Variants in PHF21A observed in about 807,000 individuals in gnomAD.
PHF21A encodes PHD finger protein 21A.
In PHF21A, 11 loss-of-function variants were observed where a neutral mutation model predicts 82.5. The observed-to-expected ratio is 0.13, with a 90% CI of 0.08 to 0.22. The LOEUF is 0.22. Among genes scored for constraint, PHF21A ranks in the 10% least tolerant of loss-of-function variants. The pLI is 1.00. For synonymous variants in PHF21A, 297 were observed against 302.8 expected, an observed-to-expected ratio of 0.98 and a Z score of 0.20; for missense variants, 579 against 837.8, an observed-to-expected ratio of 0.69 and a Z score of 3.81.
At position 46,009,409 on chromosome 11, in the gene PHF21A, G is replaced by A. The variant is rs115574237; in HGVS notation, c.154-29443C>T. Among the ~76,000 whole-genome samples the A allele has an allele frequency of 2.6e-3, 402 of 152,068 alleles. 5 individuals carry two copies. Among genetic ancestry groups the A allele is most frequent in the African/African-American group, 9.4e-3 (390 of 41,456 alleles). On this transcript the variant is annotated intron_variant, in intron 6 of 18. Coordinates refer to ENST00000676320, the MANE Select transcript of PHF21A (RefSeq NM_001352027.3). Reference sequence around the variant, plus strand: ...CCATTTCCTTTATAAAACTTTTCTTGACTCTACCTGCCTAGAATGATCTGT... The same window carrying A: ...CCATTTCCTTTATAAAACTTTTCTTAACTCTACCTGCCTAGAATGATCTGT...
At chr11:45,996,167 C>A (rs976767111) in intron 6 of PHF21A, among the ~76,000 whole-genome samples, 43 of 152,056 alleles carry the variant, frequency 2.8e-4, no homozygotes, top group African/African-American at 9.2e-4. Context: ...TGGTCAGAAA[C>A]CCCCGGCTTC....
rs1395542076 is a variant in PHF21A at position 45,949,719 on chromosome 11, G to A, written c.1148-238C>T. ...GTTCTCTGTTGAGAGTTTAACAATA[G>A]ACAACACTTGTAAACAAGTTGTCCT... On this transcript the variant is annotated intron_variant, in intron 12 of 18. Transcript: ENST00000676320. 2.6e-5 allele frequency among the ~76,000 whole-genome samples: 4 copies of A among 152,258 alleles called. No homozygotes were observed. The South Asian group carries it at 8.3e-4, about 32-fold the overall frequency.
chr11:45,989,998 T>A (rs1169707909), intron 6 of PHF21A, among the ~76,000 whole-genome samples: 2 of 151,796 alleles, frequency 1.3e-5, no homozygotes, highest in Non-Finnish European at 1.5e-5. Flanking sequence ...ACTCAAAAAA[T>A]AAATAAATAA....
chr11:45,976,164 T>G (rs1363609830), intron 7 of PHF21A, among the ~76,000 whole-genome samples: 2 of 152,142 alleles, frequency 1.3e-5, no homozygotes, highest in African/African-American at 2.4e-5. Flanking sequence ...CATTTACTAT[T>G]TTGACGCCAT....
At chr11:45,982,368 C>T (rs2094335241) in intron 6 of PHF21A, among the ~76,000 whole-genome samples, 1 of 152,112 alleles carries the variant, frequency 6.6e-6, no homozygotes, top group Non-Finnish European at 1.5e-5. Flanking sequence ...ATTCTGCTAG[C>T]ACTGCCTCTC....
At chr11:45,969,302 G>A (rs2093630890) in intron 9 of PHF21A, among the ~76,000 whole-genome samples, 1 of 152,216 alleles carries the variant, frequency 6.6e-6, no homozygotes, top group African/African-American at 2.4e-5. Flanking sequence ...ATGCAGAGCT[G>A]CTCGGGCCTA....
chr11:46,081,720 T>C (rs1342713003), intron 4 of PHF21A, among the ~76,000 whole-genome samples: 2 of 152,236 alleles, frequency 1.3e-5, no homozygotes, highest in Non-Finnish European at 1.5e-5. Context: ...CTTGAGGATA[T>C]ACTTCATGCC....
chr11:46,081,210 C>T (rs530199572), intron 4 of PHF21A, among the ~76,000 whole-genome samples: 2 of 152,234 alleles, frequency 1.3e-5, no homozygotes, highest in South Asian at 4.1e-4. Context: ...ACCATGGGAC[C>T]TCCAAATACA....
At position 45,935,131 on chromosome 11, in the gene PHF21A, T is replaced by C. The variant is rs1393831241; in HGVS notation, c.1788+505A>G. On this transcript the variant is annotated intron_variant, in intron 18 of 18. Transcript: ENST00000676320. ...CTGGGCAGTACTTACTTCCAATACT[T>C]GTCTCTAGAAAGCCCGCTTCCTCAC... 3.9e-6 allele frequency: 5 copies of C among 1,289,302 alleles called. No individual in the cohort carries two copies. In the Admixed American group the frequency reaches 9.2e-5, roughly 24 times the overall value. The allele number at this position is 1,289,302 out of a possible 1,614,324, so 79.9% of individuals were successfully genotyped here.
At chr11:45,972,057 T>C (rs1475464936) in intron 7 of PHF21A, among the ~76,000 whole-genome samples, 1 of 151,688 alleles carries the variant, frequency 6.6e-6, no homozygotes, top group African/African-American at 2.4e-5. Context: ...TTCTTGATAC[T>C]AAAGGGATAT....
At chr11:45,941,611 T>TA (rs1300073712) in intron 15 of PHF21A, among the ~76,000 whole-genome samples, 1 of 152,198 alleles carries the variant, frequency 6.6e-6, no homozygotes, top group Non-Finnish European at 1.5e-5. Context: ...GAAATGAATA[T>TA]AAAATGCCAA....
rs190604752 is a variant in PHF21A at position 46,059,178 on chromosome 11, C to T, written c.153+17576G>A. On this transcript the variant is annotated intron_variant, in intron 6 of 18. Coordinates refer to ENST00000676320, the MANE Select transcript of PHF21A (RefSeq NM_001352027.3). ...AATCAAAATTACGTACAAATATTTA[C>T]GTCCAAGGATGTACACTGCAGAGCT... Among the ~76,000 whole-genome samples, 9 of 152,150 alleles carry T rather than the reference C, an allele frequency of 5.9e-5. No homozygotes were observed. In the East Asian group the frequency reaches 9.7e-4, roughly 16 times the overall value.
At chr11:46,095,978 C>A (rs1281005238) in intron 1 of PHF21A, among the ~76,000 whole-genome samples, 1 of 152,124 alleles carries the variant, frequency 6.6e-6, no homozygotes, top group African/African-American at 2.4e-5. Context: ...CTGATAGAGG[C>A]CCCCAAACTG....
rs1311948020 is a variant in PHF21A, at chr11:46,014,995, TAAAAATAAAAAAATAAAA to T, written c.154-35047_154-35030del. On this transcript the variant is annotated intron_variant, in intron 6 of 18. Coordinates refer to ENST00000676320, the MANE Select transcript of PHF21A (RefSeq NM_001352027.3). Reference sequence around the variant, plus strand: ...ACTCCGTCTCAAAAAAAAAAAAAAATAAAAATAAAAAAATAAAAAAAAATAAAAAAATAAAAAATAGTT... The same window carrying T: ...ACTCCGTCTCAAAAAAAAAAAAAAATAAAAATAAAAAAATAAAAAATAGTT... Among the ~76,000 whole-genome samples the T allele has an allele frequency of 1.3e-4, 17 of 132,616 alleles. 1 individual carries two copies. Among genetic ancestry groups the T allele is most frequent in the Admixed American group, 3.1e-4 (4 of 13,106 alleles). The allele number at this position is 132,616 out of a possible 152,430, so 87.0% of individuals were successfully genotyped here. A position where few individuals can be genotyped will look rare whatever the true frequency, so the allele number is the denominator to read the frequency against.
In PHF21A at chr11:45,982,693, T is replaced by A. The variant is rs141270001; in HGVS notation, c.154-2727A>T. Among the ~76,000 whole-genome samples, 12 of 152,152 alleles carry A rather than the reference T, an allele frequency of 7.9e-5. No individual in the cohort carries two copies. The East Asian group carries it at 2.3e-3, about 29-fold the overall frequency. On this transcript the variant is annotated intron_variant, in intron 6 of 18. Coordinates refer to ENST00000676320, the MANE Select transcript of PHF21A (RefSeq NM_001352027.3). ...AGAGTTGCTTCAGTCCTCCTCCCCA[T>A]CAGACATCAAACATATTAACGAACT...
intron 1 of PHF21A, among the ~76,000 whole-genome samples, chr11:46,110,511 CAT>C: frequency 6.6e-6 from 1 of 152,292 alleles, no homozygotes; most frequent in African/African-American, 2.4e-5. Flanking sequence ...CACATGGGTA[CAT>C]ATAATGATAA....
chr11:46,059,813 G>C (rs1237006165), intron 6 of PHF21A, among the ~76,000 whole-genome samples: 2 of 151,976 alleles, frequency 1.3e-5, no homozygotes, highest in South Asian at 2.1e-4. Context: ...TGCAACTTCT[G>C]CCTCCCAGAT....
chr11:46,006,393 G>T (rs79225771), intron 6 of PHF21A, among the ~76,000 whole-genome samples: 1 of 152,154 alleles, frequency 6.6e-6, no homozygotes, highest in East Asian at 1.9e-4. Flanking sequence ...AGCACCTAAC[G>T]AAATATTGCA....
In PHF21A at chr11:45,934,109, T is replaced by A. The variant is rs979386319; in HGVS notation, c.1905A>T (p.Val635=). The change falls in exon 19 of 19, where the codon GTA becomes GTT. Residue 635 remains valine (V), a synonymous_variant. Coordinates refer to ENST00000676320, the MANE Select transcript of PHF21A (RefSeq NM_001352027.3). ...TGGCCCCCACAGTGGCCTCAGAGTC[T>A]ACAGGTTTGGAGAGGTCGATGCCGT... The part of the protein sequence containing the change: ...LIHGIDLSKP[V]DSEATVGAIS... 2 of 1,614,036 alleles carry A rather than the reference T, an allele frequency of 1.2e-6. No homozygotes were observed. The highest frequency in any genetic ancestry group is 8.5e-7 in the Non-Finnish European group (1 of 1,180,028).
Sources: allele counts gnomAD v4.1 joint callset (sites outside exome capture counted in the v4.1 genomes callset), GRCh38; gene constraint gnomAD v4.1.1; transcripts MANE v1.5; gene names NCBI Gene and HGNC (gene_info 2026-07-23, HGNC 2026-07-21).